The following PCCA variants were observed in gnomAD, a reference collection of about 807,000 sequenced individuals.
The protein encoded by PCCA is propionyl-CoA carboxylase subunit alpha, also known as propionyl-CoA carboxylase alpha chain, mitochondrial.
In PCCA, 74 loss-of-function variants were observed where a neutral mutation model predicts 101.3. The ratio of observed to expected loss-of-function variants is 0.73; its 90% CI spans 0.61 to 0.89. PCCA has a LOEUF of 0.89. PCCA is among the 40% of genes least tolerant of loss of function. The probability of loss-of-function intolerance (pLI) is 0.00; values close to 1 mark genes in which losing one functional copy is unlikely to be tolerated. For missense variants in PCCA, 891 were observed against 907.0 expected (o/e 0.98, Z 0.23); for synonymous variants, 294 against 313.6 (o/e 0.94, Z 0.66).
At chr13:100,451,267 G>T (rs1442688463) in intron 21 of PCCA, among the ~76,000 whole-genome samples, 1 of 152,100 alleles carries the variant, frequency 6.6e-6, no homozygotes, top group Admixed American at 6.5e-5. Flanking sequence ...CCTAACATCT[G>T]GGTACCATGG....
At chr13:100,318,350 T>C (rs1036136829) in intron 16 of PCCA, among the ~76,000 whole-genome samples, 1 of 152,148 alleles carries the variant, frequency 6.6e-6, no homozygotes, top group South Asian at 2.1e-4. Context: ...TCTCTCTCTC[T>C]CTTTTAATTA....
At chr13:100,346,913 G>A (rs757642655) in intron 18 of PCCA, among the ~76,000 whole-genome samples, 2 of 151,498 alleles carry the variant, frequency 1.3e-5, no homozygotes, top group South Asian at 2.1e-4. Flanking sequence ...TCGCTCTGTC[G>A]CCCAGGCTGG....
intron 22 of PCCA, among the ~76,000 whole-genome samples, chr13:100,517,000 C>T (rs1236072310): frequency 7.2e-6 from 1 of 139,348 alleles, no homozygotes; most frequent in Non-Finnish European, 1.6e-5. Flanking sequence ...TGTATACTGC[C>T]AGCCTGAGCT....
intron 7 of PCCA, among the ~76,000 whole-genome samples, chr13:100,213,237 C>A (rs2059329979): frequency 6.7e-6 from 1 of 150,322 alleles, no homozygotes; most frequent in Non-Finnish European, 1.5e-5. Flanking sequence ...GCTTTCCTTT[C>A]TTTTGGGTAT....
At chr13:100,217,119 A>G (rs2059566392) in intron 7 of PCCA, among the ~76,000 whole-genome samples, 2 of 151,506 alleles carry the variant, frequency 1.3e-5, no homozygotes, top group African/African-American at 4.9e-5. Flanking sequence ...AAAAAAAACA[A>G]GAATTTCACA....
intron 12 of PCCA, among the ~76,000 whole-genome samples, chr13:100,286,128 TG>T (rs1327684331): frequency 1.3e-5 from 2 of 152,098 alleles, no homozygotes; most frequent in Admixed American, 6.5e-5. Context: ...CATGGGGAAG[TG>T]GGGTATGAGG....
intron 4 of PCCA, among the ~76,000 whole-genome samples, chr13:100,137,103 T>G (rs1326478324): frequency 1.3e-5 from 2 of 152,128 alleles, no homozygotes; most frequent in Non-Finnish European, 2.9e-5. Flanking sequence ...TTCTGAGACT[T>G]CCTTTTTTGC....
At chr13:100,092,529 C>T (rs969177581) in intron 1 of PCCA, among the ~76,000 whole-genome samples, 10 of 152,010 alleles carry the variant, frequency 6.6e-5, no homozygotes, top group Admixed American at 2.6e-4. Context: ...ACCACAGGCA[C>T]GTACGACCAC....
At chr13:100,247,515 C>CT (rs147450398) in intron 8 of PCCA, among the ~76,000 whole-genome samples, 201 of 123,668 alleles carry the variant, frequency 1.6e-3, no homozygotes, top group Middle Eastern at 4.1e-3. Context: ...CGTGCCCGGC[C>CT]TTTTTTTTTT....
intron 4 of PCCA, among the ~76,000 whole-genome samples, chr13:100,124,021 C>T (rs2049699243): frequency 6.6e-6 from 1 of 151,968 alleles, no homozygotes; most frequent in Non-Finnish European, 1.5e-5. Flanking sequence ...ATAGTGAGAG[C>T]AAAGAATTTG....
chr13:100,399,990 A>G (rs1166252188), intron 19 of PCCA, among the ~76,000 whole-genome samples: 2 of 152,218 alleles, frequency 1.3e-5, no homozygotes, highest in Non-Finnish European at 2.9e-5. Context: ...TTTGTTGCCA[A>G]AAGCTTGAGG....
chr13:100,240,384 T>C (rs976507695), intron 8 of PCCA, among the ~76,000 whole-genome samples: 1 of 150,654 alleles, frequency 6.6e-6, no homozygotes, highest in Non-Finnish European at 1.5e-5. Flanking sequence ...TTTTTTTTTT[T>C]AATCTTTTGC....
At chr13:100,089,287 G>T in intron 1 of PCCA, 62 bp downstream of exon 1, 1 of 1,362,806 alleles carries the variant, frequency 7.3e-7, no homozygotes, top group South Asian at 1.8e-5. Flanking sequence ...TGCCGCCTCT[G>T]GGCGGCTGGC....
intron 6 of PCCA, 75 bp downstream of exon 6, chr13:100,157,415 G>T: frequency 2.1e-6 from 2 of 945,092 alleles, no homozygotes; most frequent in Non-Finnish European, 1.7e-6. Flanking sequence ...TTGTAAATGT[G>T]GGTAGTGATG....
chr13:100,435,903 TGTG>T (rs1169617418), intron 20 of PCCA, among the ~76,000 whole-genome samples: 2 of 151,910 alleles, frequency 1.3e-5, no homozygotes, highest in Non-Finnish European at 2.9e-5. Context: ...ATTAGCCTAG[TGTG>T]GTGGTGCATG....
intron 4 of PCCA, among the ~76,000 whole-genome samples, chr13:100,124,864 A>G (rs545132703): frequency 3.3e-5 from 5 of 152,212 alleles, no homozygotes; most frequent in African/African-American, 1.2e-4. Flanking sequence ...TTTACCTTAG[A>G]TGTATATAGA....
intron 6 of PCCA, among the ~76,000 whole-genome samples, chr13:100,177,575 C>T (rs1281398465): frequency 1.3e-5 from 2 of 152,140 alleles, no homozygotes; most frequent in Non-Finnish European, 2.9e-5. Context: ...TATACACATT[C>T]ATCCTGTGTT....
intron 4 of PCCA, among the ~76,000 whole-genome samples, chr13:100,115,956 T>C (rs546039793): frequency 6.6e-6 from 1 of 152,312 alleles, no homozygotes; most frequent in East Asian, 1.9e-4. Flanking sequence ...AGAAAGATAC[T>C]ATAAGTAAAA....
intron 6 of PCCA, among the ~76,000 whole-genome samples, chr13:100,188,138 C>A (rs761874684): frequency 6.6e-6 from 1 of 152,110 alleles, no homozygotes; most frequent in Non-Finnish European, 1.5e-5. Context: ...ACTAAAAATA[C>A]AAAAAATAGC....
Sources: gnomAD v4.1 joint callset for allele counts (sites outside exome capture counted in the v4.1 genomes callset) on GRCh38, gnomAD v4.1.1 for gene constraint, MANE v1.5 for transcripts, NCBI Gene and HGNC (gene_info 2026-07-23, HGNC 2026-07-21) for gene names.